The following ZNF577 variants were observed in gnomAD, a reference collection of about 807,000 sequenced individuals.
ZNF577 encodes the protein zinc finger protein 577.
In ZNF577, 14 loss-of-function variants were observed where a neutral mutation model predicts 13.9. The observed-to-expected ratio is 1.00, with a 90% CI of 0.66 to 1.57. The LOEUF is 1.57. Ranked by LOEUF, ZNF577 falls within the 40% of genes most tolerant of loss-of-function variation. ZNF577 has a pLI of 0.00. For missense variants in ZNF577, 555 were observed against 579.2 expected (o/e 0.96, Z 0.43); for synonymous variants, 203 against 202.9 (o/e 1.00, Z 0.00).
Position 51,868,959 on chromosome 19 carries a change from C to G in ZNF577, c.*3573G>C, listed in dbSNP as rs1157396922. Among the ~76,000 whole-genome samples, 7 of 152,204 alleles carry G rather than the reference C, an allele frequency of 4.6e-5. No individual in the cohort carries two copies. The East Asian group carries it at 1.3e-3, about 29-fold the overall frequency. Reference sequence around the variant, plus strand: ...AGGCAGTATGCTTGGTAAAAGTCATCACCATTCTCCAGTCTCGAGTACCCA... The same window carrying G: ...AGGCAGTATGCTTGGTAAAAGTCATGACCATTCTCCAGTCTCGAGTACCCA... On this transcript the variant is annotated 3_prime_UTR_variant, in exon 6 of 6. Coordinates refer to ENST00000638348, the MANE Select transcript of ZNF577 (RefSeq NM_001370449.1).
In ZNF577 at chr19:51,873,609, A is replaced by G. The variant is rs753577757; in HGVS notation, c.381T>C (p.Leu127=). 1 of 1,614,200 alleles carries G rather than the reference A, an allele frequency of 6.2e-7. No individual in the cohort carries two copies. Among genetic ancestry groups the G allele is most frequent in the Non-Finnish European group, 8.5e-7 (1 of 1,180,032 alleles). ...CACATCTATGGTATTTAACTCCAGT[A>G]AGAGTTTTGTCACGCTTGATATGGA... is the stretch of plus-strand genomic sequence containing the variant. ...SCLHIKRDKT[L]TGVKYHRCVK... is the part of the protein sequence containing the mutation. The change falls in exon 6 of 6, where the codon CTT becomes CTC. Residue 127 remains leucine, a synonymous_variant. Coordinates refer to ENST00000638348, the MANE Select transcript of ZNF577 (RefSeq NM_001370449.1).
intron 1 of ZNF577, among the ~76,000 whole-genome samples, chr19:51,884,096 T>C (rs1043414562): frequency 1.3e-5 from 2 of 151,762 alleles, no homozygotes; most frequent in African/African-American, 2.4e-5. Context: ...AGGAAAGAAA[T>C]TATTATTAAC....
In ZNF577 at chr19:51,873,141, T is replaced by C. The variant is rs1288772468; in HGVS notation, c.849A>G (p.Ala283=). Residue 283 remains alanine (A), a synonymous_variant, in exon 6 of 6, where the codon GCA becomes GCG. Coordinates refer to ENST00000638348, the MANE Select transcript of ZNF577 (RefSeq NM_001370449.1). ...GAAGTCTCTGGTGTGCAGTGAGGTA[T>C]GCCTTCTGAGAAAAGGCTTTCCCAC... is the stretch of plus-strand genomic sequence containing the variant. ...SVCGKAFSQK[A]YLTAHQRLHT... 2.5e-6 allele frequency: 4 copies of C among 1,614,062 alleles called. No homozygotes were observed. The highest frequency in any genetic ancestry group is 3.4e-6 in the Non-Finnish European group (4 of 1,180,032).
chr19:51,830,490 A>G (rs977509138), intron 9 of ZNF577, among the ~76,000 whole-genome samples: 1 of 152,194 alleles, frequency 6.6e-6, no homozygotes, highest in African/African-American at 2.4e-5. Context: ...CTTATCAAGG[A>G]CAACAGTGAC....
At position 51,887,895 on chromosome 19, in the gene ZNF577, C is replaced by T. The variant is rs998642550; in HGVS notation, c.-1293G>A. On this transcript the variant is annotated 5_prime_UTR_variant, in exon 1 of 6. Transcript: ENST00000638348. Reference sequence around the variant, plus strand: ...GGGACCCGAAGTCTCTAAACACTCGCCTCTACCCGCCGCCCCGCGAACCCC... The same window carrying T: ...GGGACCCGAAGTCTCTAAACACTCGTCTCTACCCGCCGCCCCGCGAACCCC... 1.3e-5 allele frequency: 2 copies of T among 152,260 alleles called. No homozygotes were observed. Among genetic ancestry groups the T allele is most frequent in the African/African-American group, 4.8e-5 (2 of 41,460 alleles). 9.4% of individuals were successfully genotyped at this position (152,260 alleles called of 1,614,324 possible). A position where few individuals can be genotyped will look rare whatever the true frequency, so the allele number is the denominator to read the frequency against.
chr19:51,857,914 TC>T (rs201130967), intron 5 of ZNF577, among the ~76,000 whole-genome samples: 1,610 of 152,186 alleles, frequency 0.011, 27 homozygotes, highest in African/African-American at 0.034. Flanking sequence ...GCTCAAGGGA[TC>T]CTCCAAAGGA....
At chr19:51,879,030 G>A (rs1196067138) in intron 3 of ZNF577, among the ~76,000 whole-genome samples, 2 of 152,006 alleles carry the variant, frequency 1.3e-5, no homozygotes, top group Non-Finnish European at 2.9e-5. Context: ...GGCCGAGGTG[G>A]GCAGATCACA....
Position 51,824,066 on chromosome 19 carries a change from C to A in ZNF577, c.*600-12392G>T. 1.2e-6 allele frequency: 2 copies of A among 1,614,152 alleles called. No homozygotes were observed. The highest frequency in any genetic ancestry group is 1.7e-6 in the Non-Finnish European group (2 of 1,180,016). On this transcript the variant is annotated intron_variant and NMD_transcript_variant, in intron 9 of 10. Transcript: ENST00000638827. The surrounding 1 kb of genome is among the most constrained non-coding windows in gnomAD (Gnocchi z 4.7). ...GTAAGTTAGTTCATGTTATGATAGA[C>A]ATCAACCTGTTTGTCAGTGTCTACC...
At chr19:51,837,829 A>G (rs2084296552) in intron 9 of ZNF577, among the ~76,000 whole-genome samples, 1 of 152,236 alleles carries the variant, frequency 6.6e-6, no homozygotes, top group Non-Finnish European at 1.5e-5. Flanking sequence ...TTATAAGTAT[A>G]GCTACAAAAA....
At chr19:51,845,285 G>A (rs1057135887) in intron 5 of ZNF577, among the ~76,000 whole-genome samples, 1 of 151,962 alleles carries the variant, frequency 6.6e-6, no homozygotes, top group African/African-American at 2.4e-5. Context: ...ACCTGAGGTC[G>A]GAGTTTGAGA....
intron 1 of ZNF577, among the ~76,000 whole-genome samples, chr19:51,882,335 T>C (rs1341276904): frequency 6.8e-6 from 1 of 148,036 alleles, no homozygotes; most frequent in Non-Finnish European, 1.5e-5. Context: ...AGGGCAATGA[T>C]ACCACCCTGA....
chr19:51,873,229 T>C lies in ZNF577; in HGVS notation c.761A>G (p.Lys254Arg), dbSNP rs2084693701. The change falls in exon 6 of 6, where the codon AAG becomes AGG. Residue 254 changes from lysine (K) to arginine (R), a missense_variant. Coordinates refer to ENST00000638348, the MANE Select transcript of ZNF577 (RefSeq NM_001370449.1). ...TCGCTGATGTCTATTGAGCCGGCAC[T>C]TCCGGCTGAAGGCTTTTCCGCATTT... ...CSKCGKAFSR[K>R]CRLNRHQRSH... 6.2e-7 allele frequency: 1 copy of C among 1,613,960 alleles called. No homozygotes were observed.
rs2084600412 is a variant in ZNF577 at position 51,868,431 on chromosome 19, G to T, written c.*4101C>A. Among the ~76,000 whole-genome samples, 1 of 152,126 alleles carries T rather than the reference G, an allele frequency of 6.6e-6. No homozygotes were observed. The highest frequency in any genetic ancestry group is 1.5e-5 in the Non-Finnish European group (1 of 68,034). On this transcript the variant is annotated 3_prime_UTR_variant, in exon 6 of 6. Coordinates refer to ENST00000638348, the MANE Select transcript of ZNF577 (RefSeq NM_001370449.1). ...TCCATCTGGCCCATGAGAGCAGGAA[G>T]AACAAGGGCAAACATGTCCCACACA...
chr19:51,824,812 G>C lies in ZNF577; in HGVS notation c.*600-13138C>G. ...GAGACGGAGTTACAAGCAATGTGAG[G>C]TCGGGGATATTTTTGGGCTCTGTCT... On this transcript the variant is annotated intron_variant and NMD_transcript_variant, in intron 9 of 10. Coordinates refer to the ZNF577 transcript ENST00000638827. This position sits in a 1 kb window ranked among gnomAD's most constrained non-coding sequence, Gnocchi z 4.7. 1 of 1,600,038 alleles carries C rather than the reference G, an allele frequency of 6.2e-7. No individual in the cohort carries two copies. Among genetic ancestry groups the C allele is most frequent in the South Asian group, 1.1e-5 (1 of 89,498 alleles).
Position 51,872,449 on chromosome 19 carries a change from T to A in ZNF577, c.*83A>T. The A allele has an allele frequency of 8.5e-7, 1 of 1,176,870 alleles. No individual in the cohort carries two copies. The highest frequency in any genetic ancestry group is 1.2e-6 in the Non-Finnish European group (1 of 859,860). The allele number at this position is 1,176,870 out of a possible 1,614,324, so 72.9% of individuals were successfully genotyped here. ...TCCACAACCACTGCCTCCACAGTGTTTCAGCCCTAAATGAGCTCTCTGGGA... is the reference window on the plus strand; with the variant it reads ...TCCACAACCACTGCCTCCACAGTGTATCAGCCCTAAATGAGCTCTCTGGGA... On this transcript the variant is annotated 3_prime_UTR_variant, in exon 6 of 6. Coordinates refer to ENST00000638348, the MANE Select transcript of ZNF577 (RefSeq NM_001370449.1).
chr19:51,832,626 C>T (rs903689031), intron 9 of ZNF577, among the ~76,000 whole-genome samples: 25 of 152,050 alleles, frequency 1.6e-4, no homozygotes, highest in African/African-American at 5.8e-4. Flanking sequence ...GCTCTTGGTC[C>T]TGGACATTTT....
At chr19:51,884,094 AATT>A (rs1599879792) in intron 1 of ZNF577, among the ~76,000 whole-genome samples, 1 of 151,974 alleles carries the variant, frequency 6.6e-6, no homozygotes, top group East Asian at 1.9e-4. Context: ...TAAGGAAAGA[AATT>A]ATTATTAACT....
intron 1 of ZNF577, among the ~76,000 whole-genome samples, chr19:51,881,544 A>T (rs1416280067): frequency 6.6e-6 from 1 of 152,208 alleles, no homozygotes; most frequent in Non-Finnish European, 1.5e-5. Context: ...GTGCAGGTTA[A>T]CATTCTTCCT....
In ZNF577 at chr19:51,887,500, G is replaced by A. The variant is rs1014488222; in HGVS notation, c.-898C>T. 2 of 152,130 alleles carry A rather than the reference G, an allele frequency of 1.3e-5. No homozygotes were observed. Among genetic ancestry groups the A allele is most frequent in the African/African-American group, 4.8e-5 (2 of 41,414 alleles). 9.4% of individuals were successfully genotyped at this position (152,130 alleles called of 1,614,324 possible). ...TTTTCTACAGAATATACAGCAGCAGGGAAGCAAGGGGACCAGCAGACCCCT... is the reference window on the plus strand; with the variant it reads ...TTTTCTACAGAATATACAGCAGCAGAGAAGCAAGGGGACCAGCAGACCCCT... On this transcript the variant is annotated 5_prime_UTR_variant, in exon 1 of 6. Transcript: ENST00000638348.
Sources: allele counts gnomAD v4.1 joint callset (sites outside exome capture counted in the v4.1 genomes callset), GRCh38; gene constraint gnomAD v4.1.1; non-coding constraint Gnocchi (gnomAD v3.1); transcripts MANE v1.5; gene names NCBI Gene and HGNC (gene_info 2026-07-23, HGNC 2026-07-21).